Variants in CFAP20DC observed in about 807,000 individuals in gnomAD.
The protein encoded by CFAP20DC is protein CFAP20DC.
CFAP20DC carries 84 observed loss-of-function variants against 101.7 expected under a neutral mutation model. The observed-to-expected ratio is 0.83, with a 90% CI of 0.69 to 0.99. The LOEUF (loss-of-function observed/expected upper bound fraction) is 0.99, where lower values mean the gene tolerates loss of function less well. CFAP20DC is among the 50% of genes least tolerant of loss of function. CFAP20DC has a pLI of 0.00. For synonymous variants in CFAP20DC, 359 were observed against 351.2 expected (o/e 1.02, Z -0.25); for missense variants, 1,007 against 970.3 (o/e 1.04, Z -0.50).
At chr3:58,953,152 G>A (rs541597416) in intron 4 of CFAP20DC, among the ~76,000 whole-genome samples, 11 of 152,250 alleles carry the variant, frequency 7.2e-5, no homozygotes, top group East Asian at 3.9e-4. Flanking sequence ...TGAGTTGAGC[G>A]AAGTAGAGGT....
rs1347000595 is a variant in CFAP20DC at position 58,874,881 on chromosome 3, C to CT, written c.716-4573_716-4572insA. On this transcript the variant is annotated intron_variant, in intron 7 of 16. Transcript: ENST00000482387. This position sits in a 1 kb window ranked among gnomAD's most constrained non-coding sequence, Gnocchi z 5.1. ...CCAGCACCTAGCCCAGTGCTTGACACAGAATAGGCACATAATAGTTCCTTG... is the reference window on the plus strand; with the variant it reads ...CCAGCACCTAGCCCAGTGCTTGACACTAGAATAGGCACATAATAGTTCCTTG... 6.6e-6 allele frequency among the ~76,000 whole-genome samples: 1 copy of CT among 152,122 alleles called. No homozygotes were observed. Among genetic ancestry groups the CT allele is most frequent in the African/African-American group, 2.4e-5 (1 of 41,414 alleles).
At chr3:58,853,010 C>A (rs1482248769) in intron 12 of CFAP20DC, among the ~76,000 whole-genome samples, 2 of 152,078 alleles carry the variant, frequency 1.3e-5, no homozygotes. Context: ...GAAATAGAAA[C>A]ACAAAAAACC....
At chr3:58,731,857 C>T (rs1308750373) in intron 3 of CFAP20DC, among the ~76,000 whole-genome samples, 1 of 152,164 alleles carries the variant, frequency 6.6e-6, no homozygotes, top group Admixed American at 6.5e-5. Flanking sequence ...CTTTAGCCAT[C>T]AATAGAACCA....
rs551843174 is a variant in CFAP20DC, at chr3:58,931,623, T to C, written c.393+6025A>G. Among the ~76,000 whole-genome samples the C allele has an allele frequency of 2.8e-4, 43 of 152,278 alleles. 1 individual carries two copies. Among genetic ancestry groups the C allele is most frequent in the Admixed American group, 2.5e-3 (38 of 15,310 alleles). On this transcript the variant is annotated intron_variant, in intron 5 of 16. Transcript: ENST00000482387. ...GCAGCATTCGCGGTTCATGAAAATC[T>C]GCTGTTCTGCAGCCACCGCTGCGGA...
intron 15 of CFAP20DC, among the ~76,000 whole-genome samples, chr3:58,762,168 G>A (rs1217760350): frequency 6.6e-6 from 1 of 152,172 alleles, no homozygotes; most frequent in Non-Finnish European, 1.5e-5. Flanking sequence ...TTGTGTGGGA[G>A]TCTAAGTCTC....
chr3:58,935,433 C>T (rs1365550599), intron 5 of CFAP20DC, among the ~76,000 whole-genome samples: 2 of 151,866 alleles, frequency 1.3e-5, no homozygotes, highest in Non-Finnish European at 2.9e-5. Flanking sequence ...CTTTAAAGTT[C>T]ATATGGAACC....
rs915513670 is a variant in CFAP20DC, at chr3:58,795,661, G to A, written c.2237+10734C>T. Among the ~76,000 whole-genome samples the A allele has an allele frequency of 3.3e-5, 5 of 152,286 alleles. No individual in the cohort carries two copies. The highest frequency in any genetic ancestry group is 1.9e-4 in the East Asian group (1 of 5,184). On this transcript the variant is annotated intron_variant, in intron 15 of 16. Coordinates refer to ENST00000482387, the MANE Select transcript of CFAP20DC (RefSeq NM_001394063.1). The surrounding 1 kb of genome is among the most constrained non-coding windows in gnomAD (Gnocchi z 4.2). Reference sequence around the variant, plus strand: ...ACATAGAAAAAGCAAAAGTAATAGCGAAAGCCAAGATTCTTCAGGTATCTG... The same window carrying A: ...ACATAGAAAAAGCAAAAGTAATAGCAAAAGCCAAGATTCTTCAGGTATCTG...
At chr3:58,798,228 A>C (rs2073402917) in intron 15 of CFAP20DC, among the ~76,000 whole-genome samples, 1 of 152,214 alleles carries the variant, frequency 6.6e-6, no homozygotes, top group Non-Finnish European at 1.5e-5. Flanking sequence ...TCTGGAAAGA[A>C]TTCACCATTC....
intron 5 of CFAP20DC, among the ~76,000 whole-genome samples, chr3:58,931,884 A>C (rs2086747887): frequency 1.3e-5 from 2 of 152,242 alleles, no homozygotes; most frequent in African/African-American, 4.8e-5. Context: ...CCTCCAAAGG[A>C]ACGCAGTTCC....
At chr3:58,763,072 T>G (rs1262399178) in intron 15 of CFAP20DC, among the ~76,000 whole-genome samples, 6 of 152,188 alleles carry the variant, frequency 3.9e-5, no homozygotes, top group Non-Finnish European at 8.8e-5. Context: ...TTCCTGAATC[T>G]GAATGTTGGC....
intron 7 of CFAP20DC, among the ~76,000 whole-genome samples, chr3:58,872,939 G>A (rs1333562820): frequency 6.7e-6 from 1 of 150,294 alleles, no homozygotes; most frequent in Non-Finnish European, 1.5e-5. Context: ...CTGTCAGGCA[G>A]GTCCTCAGGC....
intron 4 of CFAP20DC, among the ~76,000 whole-genome samples, chr3:59,028,272 TA>T (rs1226317151): frequency 6.6e-6 from 1 of 152,188 alleles, no homozygotes; most frequent in Non-Finnish European, 1.5e-5. Context: ...AGTTTTCATT[TA>T]AAAAAGTCTA....
chr3:58,812,915 T>C (rs1057492968), intron 14 of CFAP20DC, among the ~76,000 whole-genome samples: 1 of 151,852 alleles, frequency 6.6e-6, no homozygotes, highest in East Asian at 1.9e-4. Context: ...TTAACATTGG[T>C]TGATATTTTC....
Position 59,001,631 on chromosome 3 carries a change from G to C in CFAP20DC, c.278+37926C>G, listed in dbSNP as rs1221575593. Among the ~76,000 whole-genome samples, 4 of 152,150 alleles carry C rather than the reference G, an allele frequency of 2.6e-5. No individual in the cohort carries two copies. The highest frequency in any genetic ancestry group is 5.9e-5 in the Non-Finnish European group (4 of 68,032). On this transcript the variant is annotated intron_variant, in intron 4 of 16. Coordinates refer to ENST00000482387, the MANE Select transcript of CFAP20DC (RefSeq NM_001394063.1). This position sits in a 1 kb window ranked among gnomAD's most constrained non-coding sequence, Gnocchi z 4.5. ...TCTCCATGTTGGTCAGGTTGGTCTC[G>C]AACTCCCGACCTCAGGTGATCCACC...
chr3:58,749,028 C>T lies in CFAP20DC; in HGVS notation c.2332+4741G>A, dbSNP rs1033846260. Among the ~76,000 whole-genome samples, 4 of 152,188 alleles carry T rather than the reference C, an allele frequency of 2.6e-5. No individual in the cohort carries two copies. The East Asian group carries it at 5.8e-4, about 22-fold the overall frequency. The stretch of plus-strand genomic sequence containing the variant: ...GGTACACAATGGTGCTTTATTAATG[C>T]TGGCTTATTATTTTCATATGACCAA... On this transcript the variant is annotated intron_variant, in intron 16 of 16. Transcript: ENST00000482387.
intron 15 of CFAP20DC, among the ~76,000 whole-genome samples, chr3:58,784,718 T>C (rs556166160): frequency 6.6e-6 from 1 of 152,224 alleles, no homozygotes; most frequent in African/African-American, 2.4e-5. Context: ...GTAGTTCTGT[T>C]TGAAGTTCTT....
At chr3:58,953,553 A>C (rs201921422) in intron 4 of CFAP20DC, 1 of 152,196 alleles carries the variant, frequency 6.6e-6, no homozygotes, top group African/African-American at 2.4e-5. Context: ...CCTATCTCAT[A>C]ATCAAGAATA....
At chr3:58,786,050 G>A (rs185600390) in intron 15 of CFAP20DC, among the ~76,000 whole-genome samples, 2 of 152,142 alleles carry the variant, frequency 1.3e-5, no homozygotes, top group Non-Finnish European at 2.9e-5. Context: ...TGTTACGTAA[G>A]CCAGAGTTCT....
Position 58,831,954 on chromosome 3 carries a change from C to T in CFAP20DC, c.1972-65G>A. 2.8e-6 allele frequency: 4 copies of T among 1,416,294 alleles called. No individual in the cohort carries two copies. The South Asian group carries it at 4.7e-5, about 17-fold the overall frequency. 87.7% of individuals were successfully genotyped at this position (1,416,294 alleles called of 1,614,324 possible). A position where few individuals can be genotyped will look rare whatever the true frequency, so the allele number is the denominator to read the frequency against. The stretch of plus-strand genomic sequence containing the variant: ...CTAATTCTACGGCTACTAACAAATG[C>T]CACAGCCTTAACCCCTACAGCAGCT... On this transcript the variant is annotated intron_variant, in intron 13 of 16. Coordinates refer to ENST00000482387, the MANE Select transcript of CFAP20DC (RefSeq NM_001394063.1).
Sources: gnomAD v4.1 joint callset for allele counts (sites outside exome capture counted in the v4.1 genomes callset) on GRCh38, gnomAD v4.1.1 for gene constraint, Gnocchi (gnomAD v3.1) non-coding constraint, MANE v1.5 for transcripts, NCBI Gene and HGNC (gene_info 2026-07-23, HGNC 2026-07-21) for gene names.